The following PHKB variants were observed in gnomAD, a reference collection of about 807,000 sequenced individuals.
PHKB encodes the protein phosphorylase b kinase regulatory subunit beta.
PHKB carries 122 observed loss-of-function variants against 152.1 expected under a neutral mutation model. That is an observed-to-expected ratio of 0.80 (90% confidence interval 0.69 to 0.93). The LOEUF is 0.93. Ranked by LOEUF, PHKB falls within the 40% of genes least tolerant of loss-of-function variation. PHKB has a pLI of 0.00. For synonymous variants in PHKB, 436 were observed against 464.9 expected (o/e 0.94, Z 0.80); for missense variants, 1,304 against 1,328.4 (o/e 0.98, Z 0.29).
chr16:47,620,905 G>A (rs1290057250), intron 14 of PHKB, among the ~76,000 whole-genome samples: 1 of 151,954 alleles, frequency 6.6e-6, no homozygotes, highest in Non-Finnish European at 1.5e-5. Context: ...AAAAAGAGAT[G>A]TTCTAGGAAG....
chr16:47,491,922 C>T (rs1354732783), intron 1 of PHKB, among the ~76,000 whole-genome samples: 1 of 152,152 alleles, frequency 6.6e-6, no homozygotes, highest in African/African-American at 2.4e-5. Flanking sequence ...GACTTTTAGC[C>T]ATAGCACTCT....
chr16:47,493,656 TC>T (rs1342258212), intron 1 of PHKB, among the ~76,000 whole-genome samples: 3 of 152,206 alleles, frequency 2.0e-5, no homozygotes, highest in Non-Finnish European at 4.4e-5. Context: ...TCGTTTTCCT[TC>T]CTGAATGACC....
chr16:47,501,329 A>G (rs1970321247), intron 3 of PHKB, among the ~76,000 whole-genome samples: 1 of 152,220 alleles, frequency 6.6e-6, no homozygotes, highest in Admixed American at 6.5e-5. Flanking sequence ...AATAAGTATG[A>G]GGATGGCTAG....
chr16:47,592,737 TCTGTCTAGTTGGTTC>T (rs914075508), intron 10 of PHKB, among the ~76,000 whole-genome samples: 1 of 152,218 alleles, frequency 6.6e-6, no homozygotes, highest in African/African-American at 2.4e-5. Flanking sequence ...TTAGTAGCTC[TCTGTCTAGTTGGTTC>T]CAGGCATTAG....
intron 7 of PHKB, among the ~76,000 whole-genome samples, chr16:47,549,284 A>G (rs1971229798): frequency 4.6e-5 from 7 of 152,226 alleles, no homozygotes; most frequent in Admixed American, 4.6e-4. Context: ...TTCAGTACAT[A>G]TGATTATCAG....
At chr16:47,592,223 G>A (rs927252551) in intron 10 of PHKB, among the ~76,000 whole-genome samples, 3 of 152,126 alleles carry the variant, frequency 2.0e-5, no homozygotes, top group East Asian at 3.9e-4. Context: ...AACTCTCTTC[G>A]GTATTACCAG....
In PHKB at chr16:47,663,673, C is replaced by G. The variant is rs777021820; in HGVS notation, c.2279-4C>G. ...CAACAAAGACTCTATTATCCAATGT[C>G]TAGGTACCGTTTCTGATCACATTGA... On this transcript the variant is annotated splice_region_variant and splice_polypyrimidine_tract_variant and intron_variant, in intron 23 of 30. Transcript: ENST00000323584. The G allele has an allele frequency of 3.1e-6, 5 of 1,611,858 alleles. No homozygotes were observed. Among genetic ancestry groups the G allele is most frequent in the Non-Finnish European group, 4.2e-6 (5 of 1,178,144 alleles).
intron 4 of PHKB, among the ~76,000 whole-genome samples, chr16:47,508,623 A>G (rs568227552): frequency 1.3e-5 from 2 of 152,324 alleles, no homozygotes; most frequent in Non-Finnish European, 2.9e-5. Flanking sequence ...CTGTTTATTC[A>G]CAATAATAAA....
intron 8 of PHKB, among the ~76,000 whole-genome samples, chr16:47,584,921 A>G (rs930030322): frequency 6.6e-6 from 1 of 152,222 alleles, no homozygotes. Flanking sequence ...AATTGAGACC[A>G]GTGAGATCAG....
In PHKB at chr16:47,696,347, GTTC is replaced by G. The variant is rs781594420; in HGVS notation, c.2896-33_2896-31del. On this transcript the variant is annotated intron_variant, in intron 28 of 30. Coordinates refer to ENST00000323584, the MANE Select transcript of PHKB (RefSeq NM_000293.3). Reference sequence around the variant, plus strand: ...ATTAAATGAGAACCAGAGCATAACGGTTCAGCATGTTAATGTGGAGTTATTTTT... The same window carrying G: ...ATTAAATGAGAACCAGAGCATAACGGAGCATGTTAATGTGGAGTTATTTTT... 4.5e-4 allele frequency: 452 copies of G among 1,002,260 alleles called. 1 individual carries two copies. In the Middle Eastern group the frequency reaches 0.01, roughly 23 times the overall value. 62.1% of individuals were successfully genotyped at this position (1,002,260 alleles called of 1,614,324 possible).
At chr16:47,688,776 T>C (rs979872396) in intron 26 of PHKB, among the ~76,000 whole-genome samples, 7 of 148,590 alleles carry the variant, frequency 4.7e-5, no homozygotes, top group Non-Finnish European at 1.0e-4. Flanking sequence ...ATGGGTAAAA[T>C]CTCACTTGCT....
intron 1 of PHKB, among the ~76,000 whole-genome samples, chr16:47,479,162 G>C (rs1969921372): frequency 6.6e-6 from 1 of 152,160 alleles, no homozygotes; most frequent in Non-Finnish European, 1.5e-5. Flanking sequence ...TAGGGCCGAG[G>C]CTGGATGATT....
Position 47,573,287 on chromosome 16 carries a change from A to G in PHKB, c.711-7008A>G, listed in dbSNP as rs532233115. 4.6e-5 allele frequency among the ~76,000 whole-genome samples: 7 copies of G among 152,270 alleles called. No homozygotes were observed. In the East Asian group the frequency reaches 1.2e-3, roughly 25 times the overall value. ...AATGGGCAGGGTCATGGAACTCCCT[A>G]AAGTCCCTGTCTGTGGTGTTAGGCT... On this transcript the variant is annotated intron_variant, in intron 7 of 30. Coordinates refer to ENST00000323584, the MANE Select transcript of PHKB (RefSeq NM_000293.3).
intron 2 of PHKB, 112 bp downstream of exon 2, chr16:47,497,600 G>A (rs1217100619): frequency 1.4e-6 from 1 of 735,210 alleles, no homozygotes. Flanking sequence ...ATTGGGATTT[G>A]GGGTACTTTC....
chr16:47,583,089 G>A (rs997783599), intron 8 of PHKB, among the ~76,000 whole-genome samples: 3 of 152,170 alleles, frequency 2.0e-5, no homozygotes, highest in African/African-American at 7.2e-5. Flanking sequence ...GAGCCACCAC[G>A]CCGGGCCATG....
intron 1 of PHKB, among the ~76,000 whole-genome samples, chr16:47,478,120 G>GA (rs1035806691): frequency 6.6e-4 from 100 of 152,058 alleles, no homozygotes; most frequent in African/African-American, 6.3e-4. Context: ...ATGCACTAGA[G>GA]AAAAAAATCT....
At chr16:47,681,345 G>C (rs545588097) in intron 26 of PHKB, among the ~76,000 whole-genome samples, 1 of 148,542 alleles carries the variant, frequency 6.7e-6, no homozygotes, top group African/African-American at 2.4e-5. Flanking sequence ...CTGTCTCGTT[G>C]ATCTGTCAAA....
chr16:47,535,603 C>T (rs917379479), intron 6 of PHKB, among the ~76,000 whole-genome samples: 2 of 152,158 alleles, frequency 1.3e-5, no homozygotes, highest in African/African-American at 4.8e-5. Flanking sequence ...TGAACTAAAA[C>T]TGTATTTTAT....
At position 47,669,287 on chromosome 16, in the gene PHKB, A is replaced by G. The variant is rs763225615; in HGVS notation, c.2500A>G (p.Ile834Val). 2.5e-6 allele frequency: 4 copies of G among 1,613,966 alleles called. No individual in the cohort carries two copies. Among genetic ancestry groups the G allele is most frequent in the Middle Eastern group, 1.6e-4 (1 of 6,084 alleles). ...NPLSPRVIQNIIYYKCNTHDE... is the reference protein window; with the variant it reads ...NPLSPRVIQNVIYYKCNTHDE... The stretch of plus-strand genomic sequence containing the variant: ...TTTGTCTCCAAGAGTGATTCAAAAC[A>G]TCATCTATTATAAGTGTAACACCCA... The change falls in exon 26 of 31, where the codon ATC becomes GTC. Residue 834 changes from isoleucine to valine, a missense_variant. By Grantham distance (29) the Ile-to-Val change is conservative. Coordinates refer to ENST00000323584, the MANE Select transcript of PHKB (RefSeq NM_000293.3).
Sources: gnomAD v4.1 joint callset for allele counts (sites outside exome capture counted in the v4.1 genomes callset) on GRCh38, gnomAD v4.1.1 for gene constraint, MANE v1.5 for transcripts, NCBI Gene and HGNC (gene_info 2026-07-23, HGNC 2026-07-21) for gene names.